HK1: variants seen among roughly 807,000 people sequenced by gnomAD.
HK1 encodes hexokinase-1.
In HK1, 28 loss-of-function variants were observed where a neutral mutation model predicts 91.6. That is an observed-to-expected ratio of 0.31 (90% CI 0.23 to 0.42). The LOEUF (loss-of-function observed/expected upper bound fraction) is 0.42, where lower values mean the gene tolerates loss of function less well. Ranked by LOEUF, HK1 falls within the 10% of genes least tolerant of loss-of-function variation. The pLI is 1.00. For missense variants in HK1, 770 were observed against 1,219.8 expected, an observed-to-expected ratio of 0.63 and a Z score of 5.49; for synonymous variants, 430 against 468.1, an observed-to-expected ratio of 0.92 and a Z score of 1.05.
chr10:69,352,452 G>C (rs1848926567), intron 2 of HK1, among the ~76,000 whole-genome samples: 1 of 152,120 alleles, frequency 6.6e-6, no homozygotes, highest in South Asian at 2.1e-4. Context: ...ATTCTCCCTT[G>C]TTCTCTCTCT....
chr10:69,388,806 C>G (rs1839765676), intron 13 of HK1, among the ~76,000 whole-genome samples: 1 of 152,194 alleles, frequency 6.6e-6, no homozygotes, highest in African/African-American at 2.4e-5. Context: ...TGTGCACCTG[C>G]AGACTATTTC....
At chr10:69,311,394 T>C (rs1197370822), upstream of HK1, among the ~76,000 whole-genome samples, 2 of 152,168 alleles carry the variant, frequency 1.3e-5, no homozygotes, top group African/African-American at 4.8e-5. Flanking sequence ...CAATGCTAAC[T>C]CGAAGGAAAG....
rs12411628 is a variant in HK1 at position 69,323,364 on chromosome 10, A to T, written c.63+4354A>T. On this transcript the variant is annotated intron_variant, in intron 1 of 17. Transcript: ENST00000359426. ...AAATTAAACCTCATCTTAAAAAAAA[A>T]TTTTTTTTAGCCTGCTTTGGTGGCA... is the stretch of plus-strand genomic sequence containing the variant. Among the ~76,000 whole-genome samples, 1,429 of 151,718 alleles carry T rather than the reference A, an allele frequency of 9.4e-3. 25 individuals carry two copies. The highest frequency in any genetic ancestry group is 0.074 in the East Asian group (381 of 5,170).
At chr10:69,382,879 C>G in intron 10 of HK1, 88 bp downstream of exon 10, 4 of 1,278,056 alleles carry the variant, frequency 3.1e-6, no homozygotes, top group Non-Finnish European at 4.5e-6. Flanking sequence ...CCAGTGGATG[C>G]CTTCACACTG....
intron 1 of HK1, among the ~76,000 whole-genome samples, chr10:69,271,263 C>G (rs1333381652): frequency 6.6e-6 from 1 of 151,860 alleles, no homozygotes; most frequent in Non-Finnish European, 1.5e-5. Context: ...TACCATGTAC[C>G]CCTTGGACAA....
intron 2 of HK1, among the ~76,000 whole-genome samples, chr10:69,353,540 C>A (rs758642197): frequency 6.6e-6 from 1 of 150,584 alleles, no homozygotes; most frequent in Non-Finnish European, 1.5e-5. Flanking sequence ...CTGCAGTAAG[C>A]TGTGATCATG....
rs372970369 is a variant in HK1 at position 69,300,866 on chromosome 10, G to A, written c.27+5G>A. ...AAAAGAGCCCTGCATGATTTTGTACGTAGAAAATCCTGGAATACCCACAAA... is the reference window on the plus strand; with the variant it reads ...AAAAGAGCCCTGCATGATTTTGTACATAGAAAATCCTGGAATACCCACAAA... On this transcript the variant is annotated splice_donor_5th_base_variant and intron_variant, in intron 5 of 21. Transcript: ENST00000360289. 1,383 of 1,453,568 alleles carry A rather than the reference G, an allele frequency of 9.5e-4. 12 individuals carry two copies. The South Asian group carries it at 0.013, about 13-fold the overall frequency. The allele number at this position is 1,453,568 out of a possible 1,614,324, so 90.0% of individuals were successfully genotyped here.
chr10:69,393,638 G>C (rs1043556211), intron 15 of HK1, among the ~76,000 whole-genome samples: 1 of 152,260 alleles, frequency 6.6e-6, no homozygotes. Context: ...GGAGGAAAAA[G>C]AGGAAGAACC....
chr10:69,299,643 C>T lies in HK1; in HGVS notation c.-66-1126C>T, dbSNP rs559237713. On this transcript the variant is annotated intron_variant, in intron 4 of 21. Transcript: ENST00000360289. ...CCTCCCAAAGTGCTGAGATTACAGG[C>T]GTGAGCCACCGCGCCCAGCTTTGTT... 6.7e-5 allele frequency among the ~76,000 whole-genome samples: 10 copies of T among 150,266 alleles called. 1 individual carries two copies. Among genetic ancestry groups the T allele is most frequent in the African/African-American group, 2.5e-4 (10 of 40,476 alleles).
chr10:69,302,129 C>A (rs938382509), intron 5 of HK1, among the ~76,000 whole-genome samples: 2 of 151,734 alleles, frequency 1.3e-5, no homozygotes, highest in African/African-American at 4.8e-5. Flanking sequence ...TGCCTGTAAT[C>A]CCAGCTACTT....
At chr10:69,305,551 T>TA (rs903612308) in intron 5 of HK1, among the ~76,000 whole-genome samples, 22 of 150,820 alleles carry the variant, frequency 1.5e-4, no homozygotes, top group South Asian at 6.3e-4. Context: ...AGGTACCAGT[T>TA]AAAAAAAAAG....
chr10:69,312,608 T>C (rs929847760), upstream of HK1, among the ~76,000 whole-genome samples: 2 of 152,120 alleles, frequency 1.3e-5, no homozygotes, highest in Non-Finnish European at 2.9e-5. Context: ...TAATTCTGCA[T>C]GATTTCTCAG....
At chr10:69,393,320 T>G (rs1839991677) in intron 15 of HK1, among the ~76,000 whole-genome samples, 1 of 151,390 alleles carries the variant, frequency 6.6e-6, no homozygotes, top group East Asian at 1.9e-4. Context: ...CTTTTTTTTT[T>G]GAGACAGAGT....
At chr10:69,371,684 G>T (rs1195793296) in intron 7 of HK1, among the ~76,000 whole-genome samples, 3 of 152,318 alleles carry the variant, frequency 2.0e-5, no homozygotes, top group East Asian at 3.9e-4. Context: ...TGGGAACCCT[G>T]CATGGCTTGG....
At chr10:69,271,326 A>G (rs910368677) in intron 1 of HK1, among the ~76,000 whole-genome samples, 3 of 152,312 alleles carry the variant, frequency 2.0e-5, no homozygotes, top group African/African-American at 7.2e-5. Flanking sequence ...TTTTAAATGC[A>G]TAAAATACAC....
intron 8 of HK1, among the ~76,000 whole-genome samples, chr10:69,379,174 AAAAG>A (rs1384436623): frequency 6.6e-6 from 1 of 152,104 alleles, no homozygotes; most frequent in Admixed American, 6.5e-5. Context: ...ATCTGTCAAA[AAAAG>A]ATGTCTGGAG....
In HK1 at chr10:69,382,478, C is replaced by T. The variant is rs372964669; in HGVS notation, c.1266-9C>T. 49 of 1,613,990 alleles carry T rather than the reference C, an allele frequency of 3.0e-5. No homozygotes were observed. The highest frequency in any genetic ancestry group is 3.3e-4 in the Middle Eastern group (2 of 6,084). On this transcript the variant is annotated splice_polypyrimidine_tract_variant and intron_variant, in intron 9 of 17. Coordinates refer to ENST00000359426, the MANE Select transcript of HK1 (RefSeq NM_000188.3). Reference sequence around the variant, plus strand: ...AGCTGTTGTGGAATGTCCCCCCTGCCCCCATAAGGTATTCCCGGCGTTTCC... The same window carrying T: ...AGCTGTTGTGGAATGTCCCCCCTGCTCCCATAAGGTATTCCCGGCGTTTCC...
intron 12 of HK1, 95 bp downstream of exon 12, chr10:69,385,010 T>A (rs1839567383): frequency 1.2e-5 from 17 of 1,370,044 alleles, no homozygotes; most frequent in Non-Finnish European, 1.8e-5. Context: ...AGCCTCAGTG[T>A]CATTCCTAGA....
At chr10:69,340,727 C>T (rs1365623781) in intron 1 of HK1, among the ~76,000 whole-genome samples, 1 of 152,150 alleles carries the variant, frequency 6.6e-6, no homozygotes, top group African/African-American at 2.4e-5. Flanking sequence ...CTTGCGCTTG[C>T]TCCTCCATTC....
Sources: gnomAD v4.1 joint callset for allele counts (sites outside exome capture counted in the v4.1 genomes callset) on GRCh38, gnomAD v4.1.1 for gene constraint, MANE v1.5 for transcripts, NCBI Gene and HGNC (gene_info 2026-07-23, HGNC 2026-07-21) for gene names.